Variants in KHDRBS3 observed in about 807,000 individuals in gnomAD.
KHDRBS3 encodes KH RNA binding domain containing, signal transduction associated 3.
In KHDRBS3, 23 loss-of-function variants were observed where a neutral mutation model predicts 45.6. That is an observed-to-expected ratio of 0.50 (90% CI 0.36 to 0.72). The LOEUF (loss-of-function observed/expected upper bound fraction) is 0.72. KHDRBS3 is among the 30% of genes least tolerant of loss of function. KHDRBS3 has a pLI of 0.00. For synonymous variants in KHDRBS3, 162 were observed against 156.5 expected, an observed-to-expected ratio of 1.04 and a Z score of -0.26; for missense variants, 352 against 424.8, an observed-to-expected ratio of 0.83 and a Z score of 1.51.
At chr8:135,538,243 G>A (rs1825873173) in intron 2 of KHDRBS3, among the ~76,000 whole-genome samples, 1 of 152,100 alleles carries the variant, frequency 6.6e-6, no homozygotes, top group African/African-American at 2.4e-5. Context: ...ATTGAAGATG[G>A]GTCAAAGTTC....
At chr8:135,492,219 A>G (rs967692423) in intron 1 of KHDRBS3, among the ~76,000 whole-genome samples, 1 of 152,054 alleles carries the variant, frequency 6.6e-6, no homozygotes, top group African/African-American at 2.4e-5. Context: ...TAGGTAGTAG[A>G]TTATTAGGAT....
At chr8:135,635,540 T>C (rs1830776628) in intron 7 of KHDRBS3, among the ~76,000 whole-genome samples, 1 of 152,176 alleles carries the variant, frequency 6.6e-6, no homozygotes, top group African/African-American at 2.4e-5. Flanking sequence ...TGCGCCACCA[T>C]GCCTGGCTAA....
chr8:135,547,756 A>G (rs746458190), intron 3 of KHDRBS3, among the ~76,000 whole-genome samples: 1 of 152,184 alleles, frequency 6.6e-6, no homozygotes, highest in Non-Finnish European at 1.5e-5. Context: ...TTGAGAGACT[A>G]GAAAGATTTC....
At chr8:135,607,135 A>G in intron 7 of KHDRBS3, 98 bp downstream of exon 7, 1 of 874,846 alleles carries the variant, frequency 1.1e-6, no homozygotes, top group Non-Finnish European at 1.8e-6. Context: ...TAGAGAGGGT[A>G]ATTGGCTTGC....
chr8:135,565,528 A>T (rs1453521319), intron 5 of KHDRBS3, among the ~76,000 whole-genome samples: 1 of 152,192 alleles, frequency 6.6e-6, no homozygotes, highest in African/African-American at 2.4e-5. Flanking sequence ...CTCTAACTGC[A>T]GACTGTATCT....
chr8:135,651,303 A>C (rs977684721), downstream of KHDRBS3, among the ~76,000 whole-genome samples: 3 of 149,532 alleles, frequency 2.0e-5, no homozygotes, highest in Middle Eastern at 3.2e-3. Flanking sequence ...ATATATATTT[A>C]TATATATATA....
chr8:135,514,228 A>G (rs951474529), intron 1 of KHDRBS3, among the ~76,000 whole-genome samples: 3 of 152,254 alleles, frequency 2.0e-5, no homozygotes, highest in Non-Finnish European at 4.4e-5. Context: ...ACATTTTCAC[A>G]TCTCACTTCA....
intron 2 of KHDRBS3, among the ~76,000 whole-genome samples, chr8:135,522,049 C>T (rs1040909399): frequency 3.9e-5 from 6 of 152,068 alleles, no homozygotes; most frequent in African/African-American, 1.4e-4. Context: ...TGCCCCATCA[C>T]CTAGGTATTA....
At chr8:135,536,097 C>T (rs1825732423) in intron 2 of KHDRBS3, among the ~76,000 whole-genome samples, 1 of 151,978 alleles carries the variant, frequency 6.6e-6, no homozygotes, top group African/African-American at 2.4e-5. Context: ...TTCCAGGGCT[C>T]CATACTCTCA....
chr8:135,618,141 C>T (rs921783154), intron 7 of KHDRBS3, among the ~76,000 whole-genome samples: 5 of 152,152 alleles, frequency 3.3e-5, no homozygotes, highest in African/African-American at 1.2e-4. Context: ...TATGAGTGTG[C>T]ATTGAGAGCC....
intron 5 of KHDRBS3, among the ~76,000 whole-genome samples, chr8:135,578,458 C>G (rs1255153231): frequency 6.6e-6 from 1 of 150,796 alleles, no homozygotes; most frequent in African/African-American, 2.4e-5. Flanking sequence ...TCACTTGTTC[C>G]TATACCATTT....
chr8:135,585,792 C>T (rs572048861), intron 6 of KHDRBS3, among the ~76,000 whole-genome samples: 1 of 152,274 alleles, frequency 6.6e-6, no homozygotes, highest in South Asian at 2.1e-4. Context: ...TGGCTACTAG[C>T]TCAGTTTTTG....
intron 5 of KHDRBS3, among the ~76,000 whole-genome samples, chr8:135,563,341 T>C (rs1827254428): frequency 6.6e-6 from 1 of 152,226 alleles, no homozygotes; most frequent in African/African-American, 2.4e-5. Flanking sequence ...ATTCTCCTTC[T>C]CGTTGAAGGC....
At chr8:135,573,874 G>A (rs1178158804) in intron 5 of KHDRBS3, among the ~76,000 whole-genome samples, 2 of 152,016 alleles carry the variant, frequency 1.3e-5, no homozygotes, top group Non-Finnish European at 2.9e-5. Flanking sequence ...AAGAATTATT[G>A]CATTGTAGAC....
chr8:135,641,017 T>G (rs1831036376), intron 7 of KHDRBS3, among the ~76,000 whole-genome samples: 1 of 152,142 alleles, frequency 6.6e-6, no homozygotes, highest in Non-Finnish European at 1.5e-5. Context: ...TTGATGACAG[T>G]CTTGCAATAA....
intron 1 of KHDRBS3, among the ~76,000 whole-genome samples, chr8:135,499,558 T>G (rs948165109): frequency 6.6e-6 from 1 of 152,210 alleles, no homozygotes; most frequent in African/African-American, 2.4e-5. Flanking sequence ...CATTTTAATT[T>G]CCTCTTTTTG....
chr8:135,483,907 G>A (rs1442606570), intron 1 of KHDRBS3, among the ~76,000 whole-genome samples: 1 of 152,110 alleles, frequency 6.6e-6, no homozygotes, highest in Non-Finnish European at 1.5e-5. Context: ...CATTGGTTTT[G>A]ATGTAAGATG....
intron 7 of KHDRBS3, chr8:135,625,944 T>C (rs1830339026): frequency 1.4e-5 from 11 of 802,608 alleles, no homozygotes; most frequent in South Asian, 1.3e-4. Flanking sequence ...ACTTAGATTA[T>C]CACTGGTCAC....
At chr8:135,650,846 C>G (rs1475962686), downstream of KHDRBS3, among the ~76,000 whole-genome samples, 2 of 152,180 alleles carry the variant, frequency 1.3e-5, no homozygotes, top group African/African-American at 2.4e-5. Flanking sequence ...GAGTCTTTCA[C>G]TTGTTTAGGT....
Sources: allele counts gnomAD v4.1 joint callset (sites outside exome capture counted in the v4.1 genomes callset), GRCh38; gene constraint gnomAD v4.1.1; transcripts MANE v1.5; gene names NCBI Gene and HGNC (gene_info 2026-07-23, HGNC 2026-07-21).